The following CUL2 variants were observed in gnomAD, a reference collection of about 807,000 sequenced individuals.
The protein encoded by CUL2 is cullin 2.
CUL2 carries 22 observed loss-of-function variants against 110.2 expected under a neutral mutation model. The ratio of observed to expected loss-of-function variants is 0.20; its 90% CI spans 0.14 to 0.28. The LOEUF is 0.28. Ranked by LOEUF, CUL2 falls within the 10% of genes least tolerant of loss-of-function variation. The pLI, the probability that CUL2 is intolerant of heterozygous loss-of-function variation, is 1.00. For missense variants in CUL2, 631 were observed against 905.5 expected, an observed-to-expected ratio of 0.70 and a Z score of 3.89; for synonymous variants, 279 against 293.2, an observed-to-expected ratio of 0.95 and a Z score of 0.49.
chr10:35,091,976 C>T (rs1401630273), upstream of CUL2, among the ~76,000 whole-genome samples: 1 of 152,072 alleles, frequency 6.6e-6, no homozygotes, highest in African/African-American at 2.4e-5. Flanking sequence ...ACAGGGTCTC[C>T]CTCTGTCGCT....
chr10:35,050,186 TG>T (rs1231620814), intron 5 of CUL2, among the ~76,000 whole-genome samples: 1 of 152,050 alleles, frequency 6.6e-6, no homozygotes, highest in Non-Finnish European at 1.5e-5. Flanking sequence ...CCTGGTGTGG[TG>T]GCATGCGCCT....
rs2085522046 is a variant in CUL2 at position 35,033,205 on chromosome 10, A to G, written c.1071T>C (p.Val357=). 1.2e-6 allele frequency: 2 copies of G among 1,613,618 alleles called. No individual in the cohort carries two copies. The highest frequency in any genetic ancestry group is 2.2e-5 in the South Asian group (2 of 91,082). ...TCATAAAATGCTGATCACCATTCAA[A>G]ACAGTGTTGATAAGCTGAACAAATT... ...HGKFVQLINT[V]LNGDQHFMSA... is the part of the protein sequence containing the mutation. The change falls in exon 11 of 21, where the codon GTT becomes GTC. Residue 357 remains valine (V), a synonymous_variant. Coordinates refer to ENST00000374749, the MANE Select transcript of CUL2 (RefSeq NM_003591.4).
chr10:35,091,659 C>T (rs1589056866), upstream of CUL2, among the ~76,000 whole-genome samples: 4 of 152,100 alleles, frequency 2.6e-5, no homozygotes, highest in Middle Eastern at 3.4e-3. Context: ...GCTCTGTCAC[C>T]CAGGCTGGAA....
At chr10:35,078,347 G>A (rs2086871959) in intron 1 of CUL2, among the ~76,000 whole-genome samples, 1 of 151,004 alleles carries the variant, frequency 6.6e-6, no homozygotes, top group African/African-American at 2.4e-5. Context: ...CCAGGCTGGA[G>A]TGCAATGGCA....
intron 1 of CUL2, among the ~76,000 whole-genome samples, chr10:35,087,183 C>T (rs999932178): frequency 8.5e-5 from 13 of 152,178 alleles, no homozygotes; most frequent in Non-Finnish European, 1.3e-4. Flanking sequence ...TTCCCAACAG[C>T]GGGTACTACA....
At chr10:35,054,950 A>G (rs1488927399) in intron 4 of CUL2, among the ~76,000 whole-genome samples, 2 of 152,232 alleles carry the variant, frequency 1.3e-5, no homozygotes, top group East Asian at 1.9e-4. Context: ...TTTTTAAACA[A>G]AAAAGATCAC....
intron 1 of CUL2, among the ~76,000 whole-genome samples, chr10:35,116,062 G>C (rs892600428): frequency 6.6e-6 from 1 of 152,062 alleles, no homozygotes; most frequent in African/African-American, 2.4e-5. Context: ...AATATTATGG[G>C]CCGGGCACAG....
At chr10:35,112,293 C>T (rs12782377) in intron 1 of CUL2, among the ~76,000 whole-genome samples, 20,630 of 152,204 alleles carry the variant, frequency 0.14, 1,593 homozygotes, top group South Asian at 0.2. Context: ...AACTAGAAAA[C>T]CAGACAGAGT....
At chr10:35,051,164 A>G (rs1450829042) in intron 5 of CUL2, among the ~76,000 whole-genome samples, 1 of 151,350 alleles carries the variant, frequency 6.6e-6, no homozygotes, top group Non-Finnish European at 1.5e-5. Flanking sequence ...AAATACAAAA[A>G]ATTAGCGGGG....
chr10:35,026,339 C>T (rs1256117518), intron 16 of CUL2, among the ~76,000 whole-genome samples: 1 of 152,156 alleles, frequency 6.6e-6, no homozygotes, highest in Admixed American at 6.5e-5. Context: ...TAACTAATAA[C>T]TCCCAGGGAT....
intron 2 of CUL2, among the ~76,000 whole-genome samples, chr10:35,096,475 T>C (rs543556611): frequency 6.6e-6 from 1 of 152,028 alleles, no homozygotes; most frequent in South Asian, 2.1e-4. Flanking sequence ...CAGCTGGGTA[T>C]GGTGGTGCAT....
intron 1 of CUL2, among the ~76,000 whole-genome samples, chr10:35,105,919 A>T (rs1304996534): frequency 6.6e-6 from 1 of 152,152 alleles, no homozygotes; most frequent in Admixed American, 6.6e-5. Flanking sequence ...TGTACTTTAC[A>T]CATAGATAGC....
At chr10:35,056,493 G>C (rs146027574) in intron 4 of CUL2, among the ~76,000 whole-genome samples, 2,449 of 152,254 alleles carry the variant, frequency 0.016, 33 homozygotes, top group Non-Finnish European at 0.027. Context: ...TAAAGAGCTT[G>C]CCAAAGGTCA....
chr10:35,014,772 G>T (rs1432584241), intron 18 of CUL2, among the ~76,000 whole-genome samples: 1 of 152,128 alleles, frequency 6.6e-6, no homozygotes, highest in African/African-American at 2.4e-5. Flanking sequence ...GGTGGGGATT[G>T]CAGTGAGCTG....
At chr10:35,044,070 A>C (rs1318921592) in intron 8 of CUL2, among the ~76,000 whole-genome samples, 1 of 150,886 alleles carries the variant, frequency 6.6e-6, no homozygotes, top group Non-Finnish European at 1.5e-5. Context: ...AAAAAAAAAA[A>C]AAAAACACCT....
rs969705827 is a variant in CUL2 at position 35,010,963 on chromosome 10, T to C, written c.2107-521A>G. Among the ~76,000 whole-genome samples, 7 of 152,182 alleles carry C rather than the reference T, an allele frequency of 4.6e-5. No individual in the cohort carries two copies. In the East Asian group the frequency reaches 1.2e-3, roughly 25 times the overall value. ...ATCACATGGTAGGCTCAGATAGTTATGGAATGAATGAATATCTGATGGGTC... is the reference window on the plus strand; with the variant it reads ...ATCACATGGTAGGCTCAGATAGTTACGGAATGAATGAATATCTGATGGGTC... On this transcript the variant is annotated intron_variant, in intron 20 of 20. Coordinates refer to ENST00000374749, the MANE Select transcript of CUL2 (RefSeq NM_003591.4).
chr10:35,051,537 G>C (rs988254709), intron 5 of CUL2, among the ~76,000 whole-genome samples: 18 of 150,874 alleles, frequency 1.2e-4, no homozygotes, highest in African/African-American at 4.2e-4. Context: ...GGCGTGAACC[G>C]GCCGGGCGGA....
intron 6 of CUL2, among the ~76,000 whole-genome samples, chr10:35,048,397 T>C (rs1216155323): frequency 6.6e-6 from 1 of 152,220 alleles, no homozygotes. Context: ...TTTTTTATCA[T>C]ATTGATTTTT....
chr10:35,124,732 A>G (rs571270092), intron 1 of CUL2, among the ~76,000 whole-genome samples: 5 of 152,276 alleles, frequency 3.3e-5, no homozygotes, highest in African/African-American at 9.6e-5. Context: ...GGCTGTAGGT[A>G]TGACTCTTGG....
Sources: allele counts gnomAD v4.1 joint callset (sites outside exome capture counted in the v4.1 genomes callset), GRCh38; gene constraint gnomAD v4.1.1; transcripts MANE v1.5; gene names NCBI Gene and HGNC (gene_info 2026-07-23, HGNC 2026-07-21).